B4GALT6: variants seen among roughly 807,000 people sequenced by gnomAD.
B4GALT6 encodes UDP-Gal:beta-GlcNAc beta-1,4-galactosyltransferase 6.
Under a neutral mutation model 46.3 loss-of-function variants are expected in B4GALT6, and 14 were observed. The ratio of observed to expected loss-of-function variants is 0.30; its 90% confidence interval spans 0.20 to 0.47. B4GALT6 has a LOEUF of 0.47. Ranked by LOEUF, B4GALT6 falls within the 20% of genes least tolerant of loss-of-function variation. B4GALT6 has a pLI of 0.99. For synonymous variants in B4GALT6, 168 were observed against 162.0 expected (o/e 1.04, Z -0.28); for missense variants, 386 against 480.1 (o/e 0.80, Z 1.83).
At chr18:31,680,532 A>G (rs1320077978) in intron 1 of B4GALT6, among the ~76,000 whole-genome samples, 2 of 152,140 alleles carry the variant, frequency 1.3e-5, no homozygotes, top group African/African-American at 2.4e-5. Context: ...AAGTCAGACC[A>G]AAGTGGCCCA....
chr18:31,649,529 A>C (rs2144602794), intron 3 of B4GALT6, among the ~76,000 whole-genome samples: 1 of 151,704 alleles, frequency 6.6e-6, no homozygotes, highest in East Asian at 1.9e-4. Flanking sequence ...TCTATAAGGA[A>C]TTTAAACAAT....
At chr18:31,713,649 A>G in the B4GALT6 span, among the ~76,000 whole-genome samples, 1 of 152,150 alleles carries the variant, frequency 6.6e-6, no homozygotes, top group East Asian at 1.9e-4. Flanking sequence ...TCTAATTGAT[A>G]TCTATCTCAG....
At chr18:31,705,365 G>A in the B4GALT6 span, among the ~76,000 whole-genome samples, 1 of 152,016 alleles carries the variant, frequency 6.6e-6, no homozygotes, top group Admixed American at 6.6e-5. Context: ...ATTAACTAGG[G>A]CAACTTTCCT....
chr18:31,716,694 C>G, the B4GALT6 span, among the ~76,000 whole-genome samples: 74 of 152,208 alleles, frequency 4.9e-4, no homozygotes, highest in Non-Finnish European at 9.3e-4. Flanking sequence ...GAACTCATCT[C>G]CATAAGCTCT....
chr18:31,630,825 C>T, intron 6 of B4GALT6, 134 bp downstream of exon 6: 7 of 936,930 alleles, frequency 7.5e-6, no homozygotes, highest in Middle Eastern at 3.3e-4. Context: ...CCCAGGAGGA[C>T]ACGATGGAGT....
chr18:31,684,184 T>C, intron 1 of B4GALT6, 128 bp downstream of exon 1: 2 of 1,455,622 alleles, frequency 1.4e-6, no homozygotes, highest in Non-Finnish European at 9.1e-7. Context: ...TGAAATAACA[T>C]TTAAAACAAA....
intron 1 of B4GALT6, among the ~76,000 whole-genome samples, chr18:31,669,092 T>A (rs894647001): frequency 6.6e-6 from 1 of 152,188 alleles, no homozygotes. Flanking sequence ...TGTTGATTTG[T>A]TGAATGCCTG....
the B4GALT6 span, among the ~76,000 whole-genome samples, chr18:31,705,034 C>T: frequency 6.6e-6 from 1 of 152,166 alleles, no homozygotes; most frequent in East Asian, 1.9e-4. Flanking sequence ...GCAAACAAGA[C>T]AAATAAGACA....
chr18:31,685,502 C>T (rs1158463079), upstream of B4GALT6, among the ~76,000 whole-genome samples: 1 of 151,616 alleles, frequency 6.6e-6, no homozygotes, highest in Non-Finnish European at 1.5e-5. Context: ...CCGAGGAAAC[C>T]TGGAGGTCCC....
chr18:31,657,384 A>C (rs945411384), intron 3 of B4GALT6, among the ~76,000 whole-genome samples: 3 of 152,212 alleles, frequency 2.0e-5, no homozygotes, highest in African/African-American at 7.2e-5. Context: ...GTAGTTCTCA[A>C]AAAAGTATGT....
the B4GALT6 span, among the ~76,000 whole-genome samples, chr18:31,721,184 C>T: frequency 1.5e-4 from 3 of 19,794 alleles, no homozygotes; most frequent in South Asian, 2.0e-3. Flanking sequence ...CGGGGCCTGT[C>T]GGGGGGTGGG....
chr18:31,700,375 C>T, the B4GALT6 span, among the ~76,000 whole-genome samples: 1 of 151,780 alleles, frequency 6.6e-6, no homozygotes, highest in African/African-American at 2.4e-5. Context: ...ACTTCATACT[C>T]TGTGAAAGAG....
At chr18:31,693,472 C>T in the B4GALT6 span, among the ~76,000 whole-genome samples, 1 of 151,998 alleles carries the variant, frequency 6.6e-6, no homozygotes, top group East Asian at 1.9e-4. Context: ...TATAATATAC[C>T]TAATTATATT....
the B4GALT6 span, among the ~76,000 whole-genome samples, chr18:31,713,252 C>G: frequency 1.4e-3 from 211 of 152,206 alleles, no homozygotes; most frequent in Non-Finnish European, 2.5e-3. Context: ...CTCAGGAGGC[C>G]AACGTGGGAG....
intron 4 of B4GALT6, among the ~76,000 whole-genome samples, chr18:31,644,057 AAATC>A (rs2073962034): frequency 6.6e-6 from 1 of 152,248 alleles, no homozygotes; most frequent in African/African-American, 2.4e-5. Context: ...AATGTGAGGA[AAATC>A]AATCAAGAAA....
intron 1 of B4GALT6, among the ~76,000 whole-genome samples, chr18:31,667,138 C>T (rs758079689): frequency 6.6e-6 from 1 of 152,208 alleles, no homozygotes; most frequent in Non-Finnish European, 1.5e-5. Flanking sequence ...CCCAGAGGCA[C>T]AGAACTAAGT....
At chr18:31,677,391 T>C (rs17803358) in intron 1 of B4GALT6, among the ~76,000 whole-genome samples, 6,751 of 152,230 alleles carry the variant, frequency 0.044, 178 homozygotes, top group East Asian at 0.1. Context: ...AGTCTAACCA[T>C]GAAACATAGC....
the B4GALT6 span, among the ~76,000 whole-genome samples, chr18:31,702,317 G>A: frequency 6.6e-6 from 1 of 152,168 alleles, no homozygotes; most frequent in African/African-American, 2.4e-5. Flanking sequence ...TATGTGCAAA[G>A]ATACAAGCAC....
chr18:31,699,376 G>A, the B4GALT6 span, among the ~76,000 whole-genome samples: 2 of 150,946 alleles, frequency 1.3e-5, no homozygotes, highest in East Asian at 2.0e-4. Context: ...GGGTTCAAGC[G>A]ATTCTCCTGC....
Sources: gnomAD v4.1 joint callset for allele counts (sites outside exome capture counted in the v4.1 genomes callset) on GRCh38, gnomAD v4.1.1 for gene constraint, MANE v1.5 for transcripts, NCBI Gene and HGNC (gene_info 2026-07-23, HGNC 2026-07-21) for gene names.